PACSIN2: variants seen among roughly 807,000 people sequenced by gnomAD.
The protein encoded by PACSIN2 is protein kinase C and casein kinase substrate in neurons protein 2.
A neutral mutation model predicts 63.8 loss-of-function variants in PACSIN2; 25 were observed. That is an observed-to-expected ratio of 0.39 (90% CI 0.29 to 0.55). The LOEUF is 0.55. Among genes scored for constraint, PACSIN2 ranks in the 20% least tolerant of loss-of-function variants. The pLI is 0.62. For missense variants in PACSIN2, 518 were observed against 646.9 expected (o/e 0.80, Z 2.16); for synonymous variants, 255 against 256.2 (o/e 1.00, Z 0.05).
intron 8 of PACSIN2, among the ~76,000 whole-genome samples, chr22:42,877,543 T>C (rs892644446): frequency 6.6e-6 from 1 of 152,114 alleles, no homozygotes; most frequent in African/African-American, 2.4e-5. Flanking sequence ...GCCTCCAAAA[T>C]CAGGGCCAGG....
intron 1 of PACSIN2, among the ~76,000 whole-genome samples, chr22:42,923,988 G>C (rs1314622120): frequency 6.6e-6 from 1 of 151,852 alleles, no homozygotes; most frequent in African/African-American, 2.4e-5. Context: ...GCAGCAGTGA[G>C]TTACGATTGT....
At chr22:42,896,024 A>G (rs1400007699) in intron 2 of PACSIN2, among the ~76,000 whole-genome samples, 1 of 151,728 alleles carries the variant, frequency 6.6e-6, no homozygotes, top group African/African-American at 2.4e-5. Flanking sequence ...CTCTAGGTCG[A>G]GATGGAATCT....
At chr22:42,899,958 G>A (rs1175818281) in intron 2 of PACSIN2, among the ~76,000 whole-genome samples, 1 of 152,184 alleles carries the variant, frequency 6.6e-6, no homozygotes, top group Non-Finnish European at 1.5e-5. Context: ...TGGGGAGGGG[G>A]CCTAGGTATC....
At chr22:42,892,143 G>A (rs1266142185) in intron 3 of PACSIN2, among the ~76,000 whole-genome samples, 1 of 152,228 alleles carries the variant, frequency 6.6e-6, no homozygotes, top group African/African-American at 2.4e-5. Context: ...GGCTCAGGAA[G>A]GAAGCCCTAA....
At chr22:42,931,049 C>G (rs1463460973) in intron 1 of PACSIN2, among the ~76,000 whole-genome samples, 1 of 152,260 alleles carries the variant, frequency 6.6e-6, no homozygotes, top group Admixed American at 6.5e-5. Flanking sequence ...TTCTTTCATT[C>G]ACTCATTCAT....
chr22:42,967,138 TG>T (rs1250389978), intron 1 of PACSIN2, among the ~76,000 whole-genome samples: 3 of 151,740 alleles, frequency 2.0e-5, no homozygotes. Context: ...ATGTGGAAGG[TG>T]GGGCTGGGAC....
intron 1 of PACSIN2, among the ~76,000 whole-genome samples, chr22:43,013,799 T>C (rs1285970963): frequency 6.6e-6 from 1 of 152,202 alleles, no homozygotes; most frequent in Non-Finnish European, 1.5e-5. Flanking sequence ...CAGGCAGTAT[T>C]TGGTAAACAG....
chr22:42,906,268 C>T (rs563335424), intron 2 of PACSIN2, among the ~76,000 whole-genome samples: 5 of 152,358 alleles, frequency 3.3e-5, no homozygotes, highest in Non-Finnish European at 5.9e-5. Flanking sequence ...AAACCCATCA[C>T]ATCATGAGAA....
chr22:42,985,476 C>T (rs753517191), intron 1 of PACSIN2, among the ~76,000 whole-genome samples: 15 of 152,242 alleles, frequency 9.9e-5, no homozygotes, highest in Admixed American at 6.5e-4. Context: ...ACTGGCCTCA[C>T]TTCTCTCCAC....
At chr22:42,981,745 C>T (rs1922161772) in intron 1 of PACSIN2, among the ~76,000 whole-genome samples, 1 of 114,074 alleles carries the variant, frequency 8.8e-6, no homozygotes, top group African/African-American at 3.6e-5. Flanking sequence ...GCCCCTCTGC[C>T]CGGCCAGTCG....
At chr22:42,920,716 G>C (rs1225964050) in intron 1 of PACSIN2, among the ~76,000 whole-genome samples, 1 of 151,904 alleles carries the variant, frequency 6.6e-6, no homozygotes, top group Non-Finnish European at 1.5e-5. Context: ...TGGCAGGGTA[G>C]GAACGCCAAG....
intron 1 of PACSIN2, among the ~76,000 whole-genome samples, chr22:42,943,698 T>C (rs1410570414): frequency 6.6e-6 from 1 of 152,168 alleles, no homozygotes. Context: ...CCTGACATTA[T>C]ATATTTTGAT....
intron 1 of PACSIN2, among the ~76,000 whole-genome samples, chr22:42,920,874 C>T (rs187312687): frequency 1.4e-5 from 2 of 147,668 alleles, no homozygotes; most frequent in Admixed American, 6.8e-5. Context: ...GTGATCACAG[C>T]TCACTGCAGC....
intron 1 of PACSIN2, among the ~76,000 whole-genome samples, chr22:42,981,614 C>T (rs1922143878): frequency 8.1e-6 from 1 of 124,126 alleles, no homozygotes; most frequent in African/African-American, 3.1e-5. Context: ...GAGGACCCCT[C>T]TGCCCGGCCA....
chr22:42,990,663 T>C (rs1922979787), intron 1 of PACSIN2, among the ~76,000 whole-genome samples: 1 of 151,888 alleles, frequency 6.6e-6, no homozygotes, highest in Non-Finnish European at 1.5e-5. Context: ...AGTTCAGGAG[T>C]GTGGCAAGAG....
chr22:42,959,628 TG>T (rs1934054913), intron 1 of PACSIN2: 1 of 152,224 alleles, frequency 6.6e-6, no homozygotes, highest in African/African-American at 2.4e-5. Flanking sequence ...CAGTTAATAA[TG>T]AACTAATTGA....
chr22:42,939,014 G>C (rs543332242), intron 1 of PACSIN2, among the ~76,000 whole-genome samples: 84 of 152,312 alleles, frequency 5.5e-4, no homozygotes, highest in African/African-American at 2.0e-3. Context: ...CAGACCGCTT[G>C]CTCCAGCTGA....
intron 1 of PACSIN2, among the ~76,000 whole-genome samples, chr22:42,937,177 G>A (rs1932952095): frequency 6.6e-6 from 1 of 152,168 alleles, no homozygotes. Flanking sequence ...AAGCGAGGAT[G>A]AGATAGGGAG....
intron 1 of PACSIN2, among the ~76,000 whole-genome samples, chr22:42,943,094 A>G (rs577950958): frequency 6.6e-6 from 1 of 152,328 alleles, no homozygotes; most frequent in African/African-American, 2.4e-5. Flanking sequence ...AATTTTCAGA[A>G]TATAAGTCTT....
Sources: allele counts gnomAD v4.1 joint callset (sites outside exome capture counted in the v4.1 genomes callset), GRCh38; gene constraint gnomAD v4.1.1; transcripts MANE v1.5; gene names NCBI Gene and HGNC (gene_info 2026-07-23, HGNC 2026-07-21).